Variants in RBPMS observed in about 807,000 individuals in gnomAD.
The protein encoded by RBPMS is RNA binding protein, mRNA processing factor, also known as RNA-binding protein with multiple splicing.
A neutral mutation model predicts 26.8 loss-of-function variants in RBPMS; 7 were observed. The ratio of observed to expected loss-of-function variants is 0.26; its 90% CI spans 0.15 to 0.49. The LOEUF (loss-of-function observed/expected upper bound fraction) is 0.49. Among genes scored for constraint, RBPMS ranks in the 20% least tolerant of loss-of-function variants. The pLI is 0.98. For missense variants in RBPMS, 186 were observed against 250.0 expected (o/e 0.74, Z 1.73); for synonymous variants, 96 against 93.3 (o/e 1.03, Z -0.17).
intron 6 of RBPMS, among the ~76,000 whole-genome samples, chr8:30,550,013 G>A (rs1826228310): frequency 6.6e-6 from 1 of 151,836 alleles, no homozygotes; most frequent in South Asian, 2.1e-4. Flanking sequence ...ACCACGCCTG[G>A]CTCATTTTTT....
intron 1 of RBPMS, among the ~76,000 whole-genome samples, chr8:30,385,712 C>G (rs1318060542): frequency 6.6e-6 from 1 of 152,124 alleles, no homozygotes; most frequent in African/African-American, 2.4e-5. Flanking sequence ...AGACCCCGAG[C>G]CTGGGCGGTG....
At chr8:30,480,259 A>G (rs1233997740) in intron 4 of RBPMS, among the ~76,000 whole-genome samples, 3 of 152,126 alleles carry the variant, frequency 2.0e-5, no homozygotes, top group Non-Finnish European at 4.4e-5. Context: ...TACAGGTACC[A>G]TTTTGGAGGC....
chr8:30,536,891 A>G (rs1262433291), intron 5 of RBPMS, among the ~76,000 whole-genome samples: 1 of 152,134 alleles, frequency 6.6e-6, no homozygotes, highest in Non-Finnish European at 1.5e-5. Flanking sequence ...TCATAGATGT[A>G]AAACCATTAC....
Position 30,514,964 on chromosome 8 carries a change from G to C in RBPMS, c.397+10528G>C, listed in dbSNP as rs10112727. ...CATGGGTAAAGGTCTGTATGAAATG[G>C]AACAATGGATTTTTAAAAATCTTTT... is the stretch of plus-strand genomic sequence containing the variant. On this transcript the variant is annotated intron_variant, in intron 5 of 8. Coordinates refer to ENST00000397323, the MANE Select transcript of RBPMS (RefSeq NM_001008710.3). Among the ~76,000 whole-genome samples, 1,468 of 152,156 alleles carry C rather than the reference G, an allele frequency of 9.6e-3. 22 individuals are homozygous for C. The highest frequency in any genetic ancestry group is 0.034 in the African/African-American group (1,404 of 41,502).
At chr8:30,547,160 A>G (rs2151056523) in intron 6 of RBPMS, 2 of 680,230 alleles carry the variant, frequency 2.9e-6, no homozygotes, top group South Asian at 3.7e-5. Context: ...TCTACGGGGC[A>G]TCTCCCCATA....
chr8:30,481,458 TTGCCCCTG>T (rs1410652576), intron 4 of RBPMS, among the ~76,000 whole-genome samples: 1 of 152,206 alleles, frequency 6.6e-6, no homozygotes. Flanking sequence ...TTAACCCTGT[TTGCCCCTG>T]TGCCAGCTGG....
intron 6 of RBPMS, chr8:30,547,396 A>G (rs912453183): frequency 1.9e-6 from 3 of 1,606,340 alleles, no homozygotes; most frequent in Non-Finnish European, 2.5e-6. Flanking sequence ...AACCTACTGC[A>G]GACCAGCAGA....
At chr8:30,427,545 G>A (rs1251200542) in intron 1 of RBPMS, among the ~76,000 whole-genome samples, 1 of 152,308 alleles carries the variant, frequency 6.6e-6, no homozygotes, top group East Asian at 1.9e-4. Flanking sequence ...AAGCCTCGCT[G>A]AACTCCCCTG....
At chr8:30,446,894 A>G (rs4464927) in intron 1 of RBPMS, 47,145 of 143,478 alleles carry the variant, frequency 0.33, 9,039 homozygotes, top group African/African-American at 0.46. Context: ...GAACTTCAGT[A>G]TTTTGCCCAA....
intron 1 of RBPMS, among the ~76,000 whole-genome samples, chr8:30,457,687 G>C (rs190527260): frequency 3.4e-5 from 5 of 148,318 alleles, no homozygotes; most frequent in African/African-American, 1.0e-4. Context: ...CCGGGTTCAA[G>C]TGATTCTCCT....
At chr8:30,420,535 AAGTTACT>A (rs1226623294) in intron 1 of RBPMS, among the ~76,000 whole-genome samples, 1 of 152,202 alleles carries the variant, frequency 6.6e-6, no homozygotes, top group East Asian at 1.9e-4. Context: ...CACAGAGGTA[AAGTTACT>A]AGTTTAAGGT....
chr8:30,482,081 G>A (rs1251983499), intron 4 of RBPMS, among the ~76,000 whole-genome samples: 1 of 152,202 alleles, frequency 6.6e-6, no homozygotes, highest in African/African-American at 2.4e-5. Context: ...CCACCATAAA[G>A]TTTGGTATGT....
chr8:30,438,592 A>G (rs1690835947), intron 1 of RBPMS, among the ~76,000 whole-genome samples: 1 of 152,204 alleles, frequency 6.6e-6, no homozygotes, highest in South Asian at 2.1e-4. Context: ...CTCTTATTCT[A>G]ACACACTGGG....
intron 1 of RBPMS, among the ~76,000 whole-genome samples, chr8:30,469,139 T>C (rs1284853397): frequency 6.6e-6 from 1 of 152,270 alleles, no homozygotes; most frequent in Admixed American, 6.5e-5. Context: ...TGTTGTGTAC[T>C]GAAGTCGAGC....
intron 1 of RBPMS, among the ~76,000 whole-genome samples, chr8:30,460,732 A>G (rs1815783940): frequency 6.6e-6 from 1 of 152,122 alleles, no homozygotes; most frequent in Admixed American, 6.5e-5. Context: ...TGTTTATTTT[A>G]TTGCCTTTTA....
intron 1 of RBPMS, chr8:30,386,926 A>C (rs1303572207): frequency 6.6e-6 from 1 of 152,070 alleles, no homozygotes; most frequent in East Asian, 1.9e-4. Flanking sequence ...CATTAAAATT[A>C]AGTATAGAAA....
chr8:30,458,285 T>A (rs1815466229), intron 1 of RBPMS, among the ~76,000 whole-genome samples: 2 of 152,188 alleles, frequency 1.3e-5, no homozygotes, highest in South Asian at 4.1e-4. Context: ...GCCTACTGAA[T>A]TTGTTTAACA....
At chr8:30,431,809 A>G (rs1285291330) in intron 1 of RBPMS, among the ~76,000 whole-genome samples, 2 of 152,042 alleles carry the variant, frequency 1.3e-5, no homozygotes, top group African/African-American at 4.8e-5. Context: ...CAAGTCTGCT[A>G]TGTCAAGTAA....
chr8:30,422,798 A>G (rs868610510), intron 1 of RBPMS, among the ~76,000 whole-genome samples: 2 of 152,260 alleles, frequency 1.3e-5, no homozygotes, highest in Non-Finnish European at 2.9e-5. Flanking sequence ...GGAAAAATAC[A>G]TAACAAATGC....
Sources: allele counts gnomAD v4.1 joint callset (sites outside exome capture counted in the v4.1 genomes callset), GRCh38; gene constraint gnomAD v4.1.1; transcripts MANE v1.5; gene names NCBI Gene and HGNC (gene_info 2026-07-23, HGNC 2026-07-21).